RAB3C: variants seen among roughly 807,000 people sequenced by gnomAD.
The protein encoded by RAB3C is RAB3C, member RAS oncogene family.
RAB3C carries 17 observed loss-of-function variants against 26.4 expected under a neutral mutation model. The ratio of observed to expected loss-of-function variants is 0.64; its 90% CI spans 0.44 to 0.97. The LOEUF (loss-of-function observed/expected upper bound fraction) is 0.97, where lower values mean the gene tolerates loss of function less well. RAB3C is among the 50% of genes least tolerant of loss of function. RAB3C has a pLI of 0.00. For missense variants in RAB3C, 242 were observed against 281.9 expected, an observed-to-expected ratio of 0.86 and a Z score of 1.01; for synonymous variants, 91 against 95.9, an observed-to-expected ratio of 0.95 and a Z score of 0.30.
At chr5:58,845,935 A>AT (rs1743989127) in intron 4 of RAB3C, among the ~76,000 whole-genome samples, 1 of 151,800 alleles carries the variant, frequency 6.6e-6, no homozygotes. Flanking sequence ...TATTCTGGGC[A>AT]TTTTTTATAA....
At chr5:58,654,097 T>C (rs1579839967) in intron 2 of RAB3C, among the ~76,000 whole-genome samples, 1 of 152,204 alleles carries the variant, frequency 6.6e-6, no homozygotes, top group African/African-American at 2.4e-5. Flanking sequence ...CCTAATTTCT[T>C]CAGGTGGCAC....
rs143427018 is a variant in RAB3C, at chr5:58,810,364, G to GCTCTCTCTCT, written c.372-14661_372-14652dup. ...CTACTGGTACAAAAGTACTCTGTGT[G>GCTCTCTCTCT]CTCTCTCTCTCTCTCTCTCTCTGTG... On this transcript the variant is annotated intron_variant, in intron 3 of 4. Coordinates refer to ENST00000282878, the MANE Select transcript of RAB3C (RefSeq NM_138453.4). Among the ~76,000 whole-genome samples the GCTCTCTCTCT allele has an allele frequency of 4.6e-4, 48 of 103,562 alleles. No individual in the cohort carries two copies. In the South Asian group the frequency reaches 8.0e-3, roughly 17 times the overall value. 67.9% of individuals were successfully genotyped at this position (103,562 alleles called of 152,430 possible). A position where few individuals can be genotyped will look rare whatever the true frequency, so the allele number is the denominator to read the frequency against.
intron 2 of RAB3C, among the ~76,000 whole-genome samples, chr5:58,650,930 G>C (rs951226065): frequency 6.6e-6 from 1 of 152,158 alleles, no homozygotes; most frequent in East Asian, 1.9e-4. Context: ...AAACAGCTTT[G>C]AATGTTTTTA....
At chr5:58,584,644 A>G (rs1745973788) in intron 1 of RAB3C, among the ~76,000 whole-genome samples, 1 of 152,192 alleles carries the variant, frequency 6.6e-6, no homozygotes, top group Non-Finnish European at 1.5e-5. Flanking sequence ...TAGACTTTAA[A>G]AGTAGATCAT....
At chr5:58,748,302 G>T (rs1741443310) in intron 3 of RAB3C, among the ~76,000 whole-genome samples, 1 of 152,114 alleles carries the variant, frequency 6.6e-6, no homozygotes, top group Non-Finnish European at 1.5e-5. Context: ...GTTTATCCTT[G>T]ATATTTTAAT....
intron 2 of RAB3C, among the ~76,000 whole-genome samples, chr5:58,698,180 G>T (rs1748759801): frequency 1.3e-5 from 2 of 152,126 alleles, no homozygotes; most frequent in African/African-American, 4.8e-5. Context: ...TCCTTCACTT[G>T]TGAAGGTAAT....
intron 3 of RAB3C, among the ~76,000 whole-genome samples, chr5:58,811,246 C>T (rs10472073): frequency 0.098 from 14,866 of 152,154 alleles, 885 homozygotes; most frequent in East Asian, 0.17. Context: ...GGCCTTTTCT[C>T]ATTTCTTGGT....
intron 2 of RAB3C, among the ~76,000 whole-genome samples, chr5:58,687,376 T>A (rs765031060): frequency 1.3e-5 from 2 of 152,186 alleles, no homozygotes; most frequent in Non-Finnish European, 2.9e-5. Context: ...CCATTTAAGT[T>A]GATTTCTTCC....
chr5:58,700,299 A>G (rs1748814575), intron 2 of RAB3C, among the ~76,000 whole-genome samples: 1 of 152,206 alleles, frequency 6.6e-6, no homozygotes, highest in African/African-American at 2.4e-5. Flanking sequence ...TAGTTTTATG[A>G]AACTTCCAGG....
intron 2 of RAB3C, among the ~76,000 whole-genome samples, chr5:58,690,544 C>T (rs1035062959): frequency 2.6e-5 from 4 of 152,142 alleles, no homozygotes; most frequent in Admixed American, 6.6e-5. Context: ...TTTGGGGCCA[C>T]AGATTTCTGT....
intron 3 of RAB3C, among the ~76,000 whole-genome samples, chr5:58,779,581 C>T (rs1360879117): frequency 3.3e-5 from 5 of 151,734 alleles, no homozygotes; most frequent in African/African-American, 7.3e-5. Context: ...AGAGATGGGG[C>T]CTTATCATGT....
intron 4 of RAB3C, among the ~76,000 whole-genome samples, chr5:58,826,776 A>G (rs1019572654): frequency 6.6e-6 from 1 of 152,200 alleles, no homozygotes; most frequent in Non-Finnish European, 1.5e-5. Context: ...TCAATCTATA[A>G]TTTGAAAAAC....
intron 2 of RAB3C, among the ~76,000 whole-genome samples, chr5:58,619,344 T>C (rs1156879436): frequency 6.6e-6 from 1 of 152,202 alleles, no homozygotes; most frequent in African/African-American, 2.4e-5. Context: ...CTCCTCTGTA[T>C]GGAGACAGAA....
intron 3 of RAB3C, among the ~76,000 whole-genome samples, chr5:58,808,224 C>CAAAA (rs773339041): frequency 0.12 from 7,821 of 63,336 alleles, 480 homozygotes; most frequent in African/African-American, 0.21. Flanking sequence ...GACTCCGTCT[C>CAAAA]AAAAAAAAAA....
chr5:58,836,841 C>T (rs771134304), intron 4 of RAB3C, among the ~76,000 whole-genome samples: 2 of 152,072 alleles, frequency 1.3e-5, no homozygotes, highest in African/African-American at 4.8e-5. Context: ...GCAATAAGCA[C>T]GGGGGTGCAG....
chr5:58,660,650 G>A (rs1406624637), intron 2 of RAB3C, among the ~76,000 whole-genome samples: 1 of 150,304 alleles, frequency 6.7e-6, no homozygotes, highest in Non-Finnish European at 1.5e-5. Context: ...CAACAAGATA[G>A]ACCAACGCTG....
chr5:58,788,794 TATC>T (rs1335012205), intron 3 of RAB3C, among the ~76,000 whole-genome samples: 4 of 152,226 alleles, frequency 2.6e-5, no homozygotes, highest in African/African-American at 7.2e-5. Context: ...ATTTTGTTGT[TATC>T]ATAAATAAGC....
intron 2 of RAB3C, among the ~76,000 whole-genome samples, chr5:58,647,018 A>G (rs183854266): frequency 4.2e-4 from 64 of 152,346 alleles, no homozygotes; most frequent in Non-Finnish European, 7.5e-4. Flanking sequence ...ATAGAGGCAC[A>G]GTATTGCTTG....
intron 2 of RAB3C, among the ~76,000 whole-genome samples, chr5:58,678,225 G>A (rs1036124649): frequency 6.6e-6 from 1 of 152,002 alleles, no homozygotes; most frequent in African/African-American, 2.4e-5. Context: ...AGACAAAAAA[G>A]ATATAAAAAA....
Sources: gnomAD v4.1 joint callset for allele counts (sites outside exome capture counted in the v4.1 genomes callset) on GRCh38, gnomAD v4.1.1 for gene constraint, MANE v1.5 for transcripts, NCBI Gene and HGNC (gene_info 2026-07-23, HGNC 2026-07-21) for gene names.